The following MCF2 variants were observed in gnomAD, a reference collection of about 807,000 sequenced individuals.
MCF2 encodes the protein proto-oncogene DBL.
In MCF2, 44 loss-of-function variants were observed where a neutral mutation model predicts 82.5. That is an observed-to-expected ratio of 0.53 (90% CI 0.42 to 0.69). The LOEUF (loss-of-function observed/expected upper bound fraction) is 0.69, where lower values mean the gene tolerates loss of function less well. MCF2 is among the 30% of genes least tolerant of loss of function. The pLI is 0.00. For missense variants in MCF2, 623 were observed against 663.1 expected, an observed-to-expected ratio of 0.94 and a Z score of 0.66; for synonymous variants, 217 against 224.9, an observed-to-expected ratio of 0.96 and a Z score of 0.32.
intron 6 of MCF2, among the ~76,000 whole-genome samples, chrX:139,624,848 GA>G (rs1932664415): frequency 9.0e-6 from 1 of 110,977 alleles, no homozygotes; most frequent in African/African-American, 3.3e-5. Context: ...CATTTAGGGG[GA>G]AAGGGCCATC....
At chrX:139,644,942 T>C (rs948401134), upstream of MCF2, among the ~76,000 whole-genome samples, 1 of 111,579 alleles carries the variant, frequency 9.0e-6, no homozygotes, top group African/African-American at 3.3e-5. Context: ...AATTTTGTGA[T>C]ACCCTTGTGA....
At chrX:139,584,995 C>G in intron 24 of MCF2, 71 bp downstream of exon 28, 1 of 695,705 alleles carries the variant, frequency 1.4e-6, no homozygotes, top group Non-Finnish European at 2.2e-6. Context: ...AAAGATTGCC[C>G]CTATGTGCTC....
chrX:139,587,291 A>G (rs1929057743), intron 22 of MCF2, among the ~76,000 whole-genome samples: 1 of 110,670 alleles, frequency 9.0e-6, no homozygotes, highest in Admixed American at 9.7e-5. Context: ...GAGAGGCCAA[A>G]TCACCAGCAA....
At chrX:139,622,206 C>T (rs756690892) in intron 6 of MCF2, among the ~76,000 whole-genome samples, 27 of 111,469 alleles carry the variant, frequency 2.4e-4, no homozygotes, top group South Asian at 3.8e-4. Flanking sequence ...GTTAGAATGG[C>T]GATCATTAAA....
chrX:139,645,477 C>T (rs1359922637), upstream of MCF2: 3 of 468,138 alleles, frequency 6.4e-6, no homozygotes, highest in Admixed American at 7.8e-5. Context: ...TTATTGTCTC[C>T]GTCAGTACCA....
chrX:139,650,605 T>C lies in MCF2; in HGVS notation c.25+1115A>G, dbSNP rs187754737. ...TTAATATGCTAAATGTAATATTTAA[T>C]GATATAATTCAAATTACTCTAATAC... On this transcript the variant is annotated intron_variant, in intron 2 of 27. Coordinates refer to the MCF2 transcript ENST00000414978. Among the ~76,000 whole-genome samples, 17 of 112,292 alleles carry C rather than the reference T, an allele frequency of 1.5e-4. No homozygotes were observed. In the East Asian group the frequency reaches 4.7e-3, roughly 31 times the overall value.
At chrX:139,685,599 C>T (rs986882124) in intron 1 of MCF2, among the ~76,000 whole-genome samples, 4 of 110,938 alleles carry the variant, frequency 3.6e-5, no homozygotes, top group Non-Finnish European at 5.7e-5. Flanking sequence ...TCGGGGAGCT[C>T]GGCTCTTGAG....
chrX:139,690,233 AC>A (rs1935226061), intron 1 of MCF2, among the ~76,000 whole-genome samples: 1 of 111,198 alleles, frequency 9.0e-6, no homozygotes, highest in South Asian at 3.8e-4. Context: ...GACACATCAC[AC>A]AACTCTAGAA....
intron 24 of MCF2, among the ~76,000 whole-genome samples, chrX:139,584,497 A>G (rs982843910): frequency 4.5e-5 from 5 of 111,304 alleles, no homozygotes; most frequent in Non-Finnish European, 9.4e-5. Flanking sequence ...GCCCACTGGT[A>G]TCCTACCAAC....
At chrX:139,613,906 A>AT (rs1931688706) in intron 10 of MCF2, among the ~76,000 whole-genome samples, 1 of 111,298 alleles carries the variant, frequency 9.0e-6, no homozygotes, top group African/African-American at 3.3e-5. Flanking sequence ...ATCTTAGCCT[A>AT]GTTACCTGCT....
At chrX:139,582,730 T>C (rs1410921888) in intron 24 of MCF2, among the ~76,000 whole-genome samples, 1 of 111,884 alleles carries the variant, frequency 8.9e-6, no homozygotes, top group African/African-American at 3.2e-5. Flanking sequence ...GATTAAAGCA[T>C]TCTTCAATTT....
At chrX:139,593,861 A>G (rs1185641840) in intron 19 of MCF2, among the ~76,000 whole-genome samples, 2 of 111,265 alleles carry the variant, frequency 1.8e-5, no homozygotes, top group Non-Finnish European at 3.8e-5. Context: ...TAAGCTGATA[A>G]GCAACTTCAG....
chrX:139,643,660 T>C (rs1397267752), upstream of MCF2, among the ~76,000 whole-genome samples: 1 of 110,346 alleles, frequency 9.1e-6, no homozygotes, highest in East Asian at 2.8e-4. Context: ...TGAGCATAGG[T>C]CAAAATTCTC....
At chrX:139,674,279 T>C (rs7050615) in intron 1 of MCF2, among the ~76,000 whole-genome samples, 13,365 of 111,635 alleles carry the variant, frequency 0.12, 2,006 homozygotes, top group African/African-American at 0.41. Flanking sequence ...TTATCCAATT[T>C]GCCTGTCTGT....
intron 1 of MCF2, among the ~76,000 whole-genome samples, chrX:139,676,234 T>C (rs1477897267): frequency 8.9e-6 from 1 of 112,151 alleles, no homozygotes; most frequent in Non-Finnish European, 1.9e-5. Context: ...CTATCACGGC[T>C]TCCCTTGGCT....
intron 21 of MCF2, among the ~76,000 whole-genome samples, chrX:139,588,061 G>C (rs1020936863): frequency 9.0e-6 from 1 of 111,298 alleles, no homozygotes; most frequent in African/African-American, 3.3e-5. Flanking sequence ...ATGATTACTC[G>C]AGATATTAAG....
chrX:139,663,033 C>T (rs900124666), intron 1 of MCF2, among the ~76,000 whole-genome samples: 7 of 111,955 alleles, frequency 6.3e-5, no homozygotes, highest in African/African-American at 1.9e-4. Flanking sequence ...TTTCTTTATC[C>T]ATTCATCCGT....
At chrX:139,704,493 C>T (rs1384659173) in intron 1 of MCF2, among the ~76,000 whole-genome samples, 3 of 111,661 alleles carry the variant, frequency 2.7e-5, no homozygotes, top group African/African-American at 9.8e-5. Context: ...AACATCCAGG[C>T]TGAGAGTGAA....
chrX:139,596,665 G>C, exon 19 of MCF2: 2 of 1,209,336 alleles, frequency 1.7e-6, no homozygotes, highest in Non-Finnish European at 2.2e-6. Context: ...CGCTGCATTG[G>C]TTTGAATCTA....
Sources: gnomAD v4.1 joint callset for allele counts (sites outside exome capture counted in the v4.1 genomes callset) on GRCh38, gnomAD v4.1.1 for gene constraint, MANE v1.5 for transcripts, NCBI Gene and HGNC (gene_info 2026-07-23, HGNC 2026-07-21) for gene names.